THRB: variants seen among roughly 807,000 people sequenced by gnomAD.
THRB encodes the protein thyroid hormone receptor beta, also known as nuclear receptor subfamily 1 group A member 2.
THRB carries 12 observed loss-of-function variants against 47.8 expected under a neutral mutation model. That is an observed-to-expected ratio of 0.25 (90% confidence interval 0.16 to 0.41). The LOEUF (loss-of-function observed/expected upper bound fraction) is 0.41. Ranked by LOEUF, THRB falls within the 10% of genes least tolerant of loss-of-function variation. The probability of loss-of-function intolerance (pLI) is 1.00; values close to 1 mark genes in which losing one functional copy is unlikely to be tolerated. For synonymous variants in THRB, 218 were observed against 212.2 expected (o/e 1.03, Z -0.24); for missense variants, 348 against 589.2 (o/e 0.59, Z 4.24).
chr3:24,266,269 A>T (rs1369996905), intron 3 of THRB, among the ~76,000 whole-genome samples: 2 of 152,208 alleles, frequency 1.3e-5, no homozygotes, highest in African/African-American at 4.8e-5. Flanking sequence ...CAAAACCAAG[A>T]AAGGAGTGTA....
At chr3:24,270,963 C>T (rs75577395) in intron 3 of THRB, among the ~76,000 whole-genome samples, 1 of 152,182 alleles carries the variant, frequency 6.6e-6, no homozygotes, top group Non-Finnish European at 1.5e-5. Context: ...AAGGCTCCCC[C>T]CCTTTCCAAA....
chr3:24,176,981 G>A (rs1050955814), intron 5 of THRB, among the ~76,000 whole-genome samples: 1 of 152,062 alleles, frequency 6.6e-6, no homozygotes, highest in African/African-American at 2.4e-5. Flanking sequence ...AATAGATGCA[G>A]GGCTACAAAC....
intron 5 of THRB, among the ~76,000 whole-genome samples, chr3:24,171,772 C>G (rs551909250): frequency 2.6e-5 from 4 of 152,254 alleles, no homozygotes; most frequent in African/African-American, 7.2e-5. Flanking sequence ...CCTTGAGTCA[C>G]TAGATCATGC....
chr3:24,258,225 A>T (rs891485140), intron 3 of THRB, among the ~76,000 whole-genome samples: 6 of 152,134 alleles, frequency 3.9e-5, no homozygotes, highest in African/African-American at 1.4e-4. Context: ...CAGCAATGCA[A>T]GCGACGCCTA....
At position 24,133,347 on chromosome 3, in the gene THRB, T is replaced by C; in HGVS notation, c.854A>G (p.Asp285Gly). ...IITPAITRVV[D>G]FAKKLPMFCE... ...AAACATAGGCAACTTTTTGGCAAAA[T>C]CCACCACTCTGGTAATTGCTGGTGT... The change falls in exon 9 of 11, where the codon GAT becomes GGT. Residue 285 changes from aspartate to glycine, a missense_variant. Coordinates refer to ENST00000646209, the MANE Select transcript of THRB (RefSeq NM_001354712.2). 1.9e-6 allele frequency: 3 copies of C among 1,614,132 alleles called. No individual in the cohort carries two copies.
At chr3:24,143,784 AG>A in intron 7 of THRB, 78 bp from the exon 8 acceptor site, 1 of 1,480,896 alleles carries the variant, frequency 6.8e-7, no homozygotes. Context: ...CTGGAGCCTC[AG>A]GAGTGGGACC....
chr3:24,347,711 G>A (rs1303857175), intron 1 of THRB, among the ~76,000 whole-genome samples: 1 of 151,058 alleles, frequency 6.6e-6, no homozygotes, highest in Non-Finnish European at 1.5e-5. Context: ...ACACTTCATG[G>A]CAATATTTGA....
chr3:24,406,500 T>C (rs1036571321), intron 1 of THRB, among the ~76,000 whole-genome samples: 1 of 151,802 alleles, frequency 6.6e-6, no homozygotes, highest in Non-Finnish European at 1.5e-5. Flanking sequence ...GGTTTGTTAT[T>C]GTTTATAATG....
intron 5 of THRB, among the ~76,000 whole-genome samples, chr3:24,166,098 AG>A (rs763085664): frequency 3.9e-5 from 6 of 152,210 alleles, no homozygotes; most frequent in Admixed American, 6.5e-5. Context: ...AAACATGCCA[AG>A]GAAGTACACG....
chr3:24,196,211 G>A (rs776249336), intron 4 of THRB, among the ~76,000 whole-genome samples: 1 of 152,112 alleles, frequency 6.6e-6, no homozygotes, highest in Non-Finnish European at 1.5e-5. Flanking sequence ...ACCTTCTATA[G>A]TTCAGTTAAA....
At chr3:24,221,571 G>A (rs950066879) in intron 4 of THRB, among the ~76,000 whole-genome samples, 12 of 152,244 alleles carry the variant, frequency 7.9e-5, no homozygotes, top group African/African-American at 2.6e-4. Context: ...GTTGGGGTAT[G>A]AGAAGAAGCC....
At chr3:24,202,438 C>T (rs2044703558) in intron 4 of THRB, among the ~76,000 whole-genome samples, 1 of 152,052 alleles carries the variant, frequency 6.6e-6, no homozygotes, top group Non-Finnish European at 1.5e-5. Flanking sequence ...GACAGCTGTG[C>T]AAGGAAGCAT....
At chr3:24,366,745 C>T (rs748694736) in intron 1 of THRB, among the ~76,000 whole-genome samples, 21 of 151,644 alleles carry the variant, frequency 1.4e-4, no homozygotes, top group Non-Finnish European at 2.6e-4. Flanking sequence ...CTCAGCCTCC[C>T]GAGAAGCTGG....
intron 1 of THRB, among the ~76,000 whole-genome samples, chr3:24,478,390 A>C (rs1254507347): frequency 2.0e-5 from 3 of 152,222 alleles, no homozygotes; most frequent in South Asian, 4.1e-4. Flanking sequence ...CAAAAGAATG[A>C]ATGGATGAAC....
intron 8 of THRB, among the ~76,000 whole-genome samples, chr3:24,136,567 T>G (rs2034705083): frequency 6.6e-6 from 1 of 152,240 alleles, no homozygotes; most frequent in South Asian, 2.1e-4. Context: ...GTTGAACCCA[T>G]TAGATATCTT....
intron 3 of THRB, among the ~76,000 whole-genome samples, chr3:24,287,148 T>G (rs1409866495): frequency 2.0e-5 from 3 of 152,178 alleles, no homozygotes; most frequent in Non-Finnish European, 2.9e-5. Flanking sequence ...CATAGATATC[T>G]TACACACATT....
chr3:24,416,637 T>C (rs2068753064), intron 1 of THRB, among the ~76,000 whole-genome samples: 1 of 151,922 alleles, frequency 6.6e-6, no homozygotes, highest in African/African-American at 2.4e-5. Flanking sequence ...AATTCTGTAT[T>C]AATCGAGCAA....
At chr3:24,317,954 A>G (rs1220209456) in intron 2 of THRB, among the ~76,000 whole-genome samples, 1 of 152,122 alleles carries the variant, frequency 6.6e-6, no homozygotes, top group African/African-American at 2.4e-5. Flanking sequence ...GCTACCTGGG[A>G]GACTGAGTCG....
chr3:24,472,838 A>ACAGG (rs1315619468), intron 1 of THRB, among the ~76,000 whole-genome samples: 1 of 152,212 alleles, frequency 6.6e-6, no homozygotes, highest in Non-Finnish European at 1.5e-5. Flanking sequence ...AATAAGAAAC[A>ACAGG]CAGGCTCGGG....
Sources: gnomAD v4.1 joint callset for allele counts (sites outside exome capture counted in the v4.1 genomes callset) on GRCh38, gnomAD v4.1.1 for gene constraint, MANE v1.5 for transcripts, NCBI Gene and HGNC (gene_info 2026-07-23, HGNC 2026-07-21) for gene names.